OPCML: variants seen among roughly 807,000 people sequenced by gnomAD.
OPCML encodes the protein opioid binding protein/cell adhesion molecule like, also known as opioid-binding protein/cell adhesion molecule.
A neutral mutation model predicts 37.8 loss-of-function variants in OPCML; 13 were observed. The observed-to-expected ratio is 0.34, with a 90% confidence interval of 0.22 to 0.55. The LOEUF (loss-of-function observed/expected upper bound fraction) is 0.55, where lower values mean the gene tolerates loss of function less well. Ranked by LOEUF, OPCML falls within the 20% of genes least tolerant of loss-of-function variation. The pLI is 0.91. For missense variants in OPCML, 341 were observed against 435.6 expected (o/e 0.78, Z 1.93); for synonymous variants, 176 against 168.8 (o/e 1.04, Z -0.33).
At chr11:133,128,583 A>G (rs1282787856) in intron 1 of OPCML, among the ~76,000 whole-genome samples, 1 of 152,154 alleles carries the variant, frequency 6.6e-6, no homozygotes, top group African/African-American at 2.4e-5. Flanking sequence ...GGACCCCTGG[A>G]GGTATCTCAG....
chr11:133,316,856 C>T (rs1376084064), intron 1 of OPCML, among the ~76,000 whole-genome samples: 1 of 152,168 alleles, frequency 6.6e-6, no homozygotes, highest in Non-Finnish European at 1.5e-5. Context: ...TGTTTAATGG[C>T]TATTTTTCCC....
At chr11:133,288,412 C>G (rs1683280510) in intron 1 of OPCML, among the ~76,000 whole-genome samples, 1 of 152,164 alleles carries the variant, frequency 6.6e-6, no homozygotes. Flanking sequence ...GCTACCAGGC[C>G]CACTGTTTCT....
At chr11:133,162,764 G>C (rs1950162452) in intron 1 of OPCML, among the ~76,000 whole-genome samples, 1 of 152,218 alleles carries the variant, frequency 6.6e-6, no homozygotes, top group African/African-American at 2.4e-5. Context: ...ACGGGCTTCA[G>C]CTGCTCCATG....
At chr11:133,069,644 A>G (rs769795667) in intron 1 of OPCML, among the ~76,000 whole-genome samples, 2 of 152,192 alleles carry the variant, frequency 1.3e-5, no homozygotes, top group Non-Finnish European at 2.9e-5. Context: ...AGTGTGTGAG[A>G]GCATGTGTGT....
intron 2 of OPCML, among the ~76,000 whole-genome samples, chr11:132,781,685 A>T (rs1947022999): frequency 6.6e-6 from 1 of 151,566 alleles, no homozygotes; most frequent in Admixed American, 6.6e-5. Context: ...CACCTGGATG[A>T]GTCCCAGTCA....
intron 1 of OPCML, among the ~76,000 whole-genome samples, chr11:133,382,654 A>T (rs1173377813): frequency 9.9e-5 from 15 of 152,178 alleles, no homozygotes; most frequent in Admixed American, 9.8e-4. Flanking sequence ...TTCACCCCTC[A>T]ATAAATGTCT....
Position 133,204,092 on chromosome 11 carries a change from A to AAAGG in OPCML, c.62-261086_62-261083dup, listed in dbSNP as rs201658989. Among the ~76,000 whole-genome samples the AAAGG allele has an allele frequency of 6.8e-3, 1,023 of 150,286 alleles. 10 individuals carry two copies. The highest frequency in any genetic ancestry group is 0.024 in the African/African-American group (968 of 40,710). On this transcript the variant is annotated intron_variant, in intron 1 of 7. Transcript: ENST00000524381. ...AAAAAAAAAAAAAAAAAAAAAATGC[A>AAAGG]AAGGACAAGGGACCTTTTTTGTCTT...
intron 1 of OPCML, among the ~76,000 whole-genome samples, chr11:133,225,216 A>T (rs2136372996): frequency 6.6e-6 from 1 of 152,320 alleles, no homozygotes; most frequent in East Asian, 1.9e-4. Flanking sequence ...TTTGGTGCCA[A>T]GGTCAGGTCA....
intron 1 of OPCML, among the ~76,000 whole-genome samples, chr11:133,115,581 T>C (rs1949321557): frequency 6.6e-6 from 1 of 152,136 alleles, no homozygotes; most frequent in African/African-American, 2.4e-5. Flanking sequence ...CCTAATTCTT[T>C]CGTATCACTT....
chr11:133,501,491 A>G (rs1029410523), intron 1 of OPCML, among the ~76,000 whole-genome samples: 1 of 152,246 alleles, frequency 6.6e-6, no homozygotes, highest in African/African-American at 2.4e-5. Context: ...AATATTTTAA[A>G]TCAGATAACT....
At chr11:132,636,977 T>C (rs1940541011) in intron 3 of OPCML, among the ~76,000 whole-genome samples, 1 of 152,236 alleles carries the variant, frequency 6.6e-6, no homozygotes, top group South Asian at 2.1e-4. Context: ...AGCTGCTTTG[T>C]TGGCGAGACT....
chr11:132,566,814 C>G (rs921463355), intron 3 of OPCML, among the ~76,000 whole-genome samples: 1 of 151,924 alleles, frequency 6.6e-6, no homozygotes, highest in African/African-American at 2.4e-5. Flanking sequence ...ATGTCTAAGT[C>G]GAGATGCAAA....
At chr11:132,563,287 G>A (rs557680463) in intron 3 of OPCML, among the ~76,000 whole-genome samples, 14 of 152,192 alleles carry the variant, frequency 9.2e-5, no homozygotes, top group African/African-American at 3.1e-4. Flanking sequence ...GTTATGCTGT[G>A]GGACAAGACA....
chr11:133,001,823 G>A (rs1439290419), intron 1 of OPCML, among the ~76,000 whole-genome samples: 2 of 152,230 alleles, frequency 1.3e-5, no homozygotes, highest in African/African-American at 2.4e-5. Flanking sequence ...TGATAATTGT[G>A]CAGCAATGGC....
intron 2 of OPCML, among the ~76,000 whole-genome samples, chr11:132,930,520 T>C (rs1301955275): frequency 6.6e-6 from 1 of 152,138 alleles, no homozygotes; most frequent in African/African-American, 2.4e-5. Context: ...TAAATTACAT[T>C]GTAGAATACA....
intron 1 of OPCML, among the ~76,000 whole-genome samples, chr11:133,456,011 G>A (rs1306575442): frequency 1.3e-5 from 2 of 152,192 alleles, no homozygotes; most frequent in African/African-American, 2.4e-5. Context: ...CTTTCCACAG[G>A]ATGGTTTGCT....
intron 1 of OPCML, among the ~76,000 whole-genome samples, chr11:133,034,179 G>T (rs1947725789): frequency 1.3e-5 from 2 of 152,114 alleles, no homozygotes; most frequent in African/African-American, 4.8e-5. Context: ...TGAGGGCCTA[G>T]TATACCTCTA....
At chr11:133,527,057 A>C (rs1014483241) in intron 1 of OPCML, among the ~76,000 whole-genome samples, 9 of 152,250 alleles carry the variant, frequency 5.9e-5, no homozygotes, top group Admixed American at 3.3e-4. Flanking sequence ...AGCCCCAGGC[A>C]GCTGCAGGCA....
At chr11:132,537,806 TAAG>T (rs892568240) in intron 3 of OPCML, among the ~76,000 whole-genome samples, 2 of 152,088 alleles carry the variant, frequency 1.3e-5, no homozygotes, top group Admixed American at 6.5e-5. Flanking sequence ...AATAAGCACA[TAAG>T]AAGATGTTTA....
Sources: gnomAD v4.1 joint callset for allele counts (sites outside exome capture counted in the v4.1 genomes callset) on GRCh38, gnomAD v4.1.1 for gene constraint, MANE v1.5 for transcripts, NCBI Gene and HGNC (gene_info 2026-07-23, HGNC 2026-07-21) for gene names.